Variants in DCDC2 observed in about 807,000 individuals in gnomAD.
DCDC2 encodes doublecortin domain containing 2.
DCDC2 carries 40 observed loss-of-function variants against 50.2 expected under a neutral mutation model. The ratio of observed to expected loss-of-function variants is 0.80; its 90% CI spans 0.62 to 1.04. DCDC2 has a LOEUF of 1.04. Ranked by LOEUF, DCDC2 falls within the 50% of genes least tolerant of loss-of-function variation. The pLI, the probability that DCDC2 is intolerant of heterozygous loss-of-function variation, is 0.00. For missense variants in DCDC2, 570 were observed against 581.9 expected, an observed-to-expected ratio of 0.98 and a Z score of 0.21; for synonymous variants, 234 against 210.6, an observed-to-expected ratio of 1.11 and a Z score of -0.96.
At chr6:24,197,023 A>G (rs149205843) in intron 8 of DCDC2, among the ~76,000 whole-genome samples, 1 of 152,218 alleles carries the variant, frequency 6.6e-6, no homozygotes, top group South Asian at 2.1e-4. Context: ...TCGAACAAAT[A>G]AACTAGGCAA....
chr6:24,202,243 G>A (rs1242527132), intron 8 of DCDC2, among the ~76,000 whole-genome samples: 1 of 152,066 alleles, frequency 6.6e-6, no homozygotes, highest in East Asian at 1.9e-4. Flanking sequence ...ATAAAATACT[G>A]GCAAACCGAA....
upstream of DCDC2, among the ~76,000 whole-genome samples, chr6:24,359,223 T>TTTATATATTATATATAA (rs1561789266): frequency 3.2e-5 from 2 of 63,216 alleles, no homozygotes; most frequent in African/African-American, 1.6e-4. Flanking sequence ...ATTATATATT[T>TTTATATATTATATATAA]TATATATTTT....
chr6:24,210,798 CT>C (rs1761850721), intron 7 of DCDC2, among the ~76,000 whole-genome samples: 1 of 152,212 alleles, frequency 6.6e-6, no homozygotes, highest in African/African-American at 2.4e-5. Context: ...ATCCAAGTTC[CT>C]TACTATGGCT....
intron 8 of DCDC2, among the ~76,000 whole-genome samples, chr6:24,196,870 G>A (rs1409581289): frequency 6.6e-6 from 1 of 152,136 alleles, no homozygotes. Context: ...TTGCAGAGTT[G>A]GTCTTACTAT....
intron 2 of DCDC2, among the ~76,000 whole-genome samples, chr6:24,327,722 G>A (rs991765055): frequency 2.6e-5 from 4 of 151,946 alleles, no homozygotes; most frequent in South Asian, 2.1e-4. Context: ...GATCCAACTC[G>A]CCTCAGCCTC....
chr6:24,259,996 T>C (rs935943686), intron 7 of DCDC2, among the ~76,000 whole-genome samples: 1 of 152,208 alleles, frequency 6.6e-6, no homozygotes, highest in Non-Finnish European at 1.5e-5. Flanking sequence ...AGAGGCTAAC[T>C]GGTGTTAAAG....
At chr6:24,230,844 C>T (rs1036081236) in intron 7 of DCDC2, among the ~76,000 whole-genome samples, 23 of 152,202 alleles carry the variant, frequency 1.5e-4, no homozygotes, top group African/African-American at 5.5e-4. Context: ...TGCAAAAGTA[C>T]TAGCTCCTTA....
chr6:24,355,481 T>C (rs1476956549), intron 1 of DCDC2, among the ~76,000 whole-genome samples: 1 of 152,200 alleles, frequency 6.6e-6, no homozygotes, highest in African/African-American at 2.4e-5. Context: ...ATGTAACACT[T>C]TGGTGTTTAC....
chr6:24,337,959 C>T (rs1395848486), intron 2 of DCDC2, among the ~76,000 whole-genome samples: 1 of 152,134 alleles, frequency 6.6e-6, no homozygotes, highest in Non-Finnish European at 1.5e-5. Context: ...CACAAACATC[C>T]TTTCAAGTGC....
intron 7 of DCDC2, among the ~76,000 whole-genome samples, chr6:24,223,964 C>T (rs1176313703): frequency 6.6e-6 from 1 of 152,222 alleles, no homozygotes; most frequent in African/African-American, 2.4e-5. Flanking sequence ...TTCTAATGAC[C>T]TTGACCTCAT....
Position 24,278,110 on chromosome 6 carries a change from T to G in DCDC2, c.861A>C (p.Lys287Asn). The change falls in exon 7 of 10, where the codon AAA (lysine) becomes AAC (asparagine). Residue 287 changes from lysine (K) to asparagine (N), a missense_variant. By Grantham distance (94) the Lys-to-Asn change is moderately conservative (BLOSUM62 0). Transcript: ENST00000378454. Reference protein sequence around the residue: ...KGKKEDVNSEKLTKLKQNVKL... With the variant: ...KGKKEDVNSENLTKLKQNVKL... ...TTACATTTTGTTTCAATTTCGTCAGTTTTTCTGAATTCACGTCTTCTTTTT... is the reference window on the plus strand; with the variant it reads ...TTACATTTTGTTTCAATTTCGTCAGGTTTTCTGAATTCACGTCTTCTTTTT... The G allele has an allele frequency of 1.2e-6, 2 of 1,613,926 alleles. No individual in the cohort carries two copies. The highest frequency in any genetic ancestry group is 1.7e-6 in the Non-Finnish European group (2 of 1,179,870).
chr6:24,198,541 C>G (rs926636760), intron 8 of DCDC2, among the ~76,000 whole-genome samples: 1 of 152,164 alleles, frequency 6.6e-6, no homozygotes, highest in Non-Finnish European at 1.5e-5. Flanking sequence ...GTGCCTACAC[C>G]ACCAAGGCCC....
At chr6:24,306,527 TAGATAGATAGATAGATAGAC>T (rs1561768211) in intron 2 of DCDC2, among the ~76,000 whole-genome samples, 1 of 141,694 alleles carries the variant, frequency 7.1e-6, no homozygotes, top group African/African-American at 2.7e-5. Flanking sequence ...GATAGATAGA[TAGATAGATAGATAGATAGAC>T]AGACAGACAG....
intron 7 of DCDC2, chr6:24,205,389 A>G: frequency 2.1e-6 from 3 of 1,409,538 alleles, no homozygotes; most frequent in Non-Finnish European, 1.9e-6. Context: ...AGCCCTTTGT[A>G]CAGGCATTGA....
intron 2 of DCDC2, among the ~76,000 whole-genome samples, chr6:24,327,741 C>T (rs916634639): frequency 4.9e-4 from 75 of 152,086 alleles, no homozygotes; most frequent in Non-Finnish European, 9.8e-4. Context: ...TCCCAAAGTG[C>T]TGGGATTACA....
chr6:24,327,649 T>C (rs1759898282), intron 2 of DCDC2, among the ~76,000 whole-genome samples: 1 of 151,914 alleles, frequency 6.6e-6, no homozygotes, highest in Non-Finnish European at 1.5e-5. Flanking sequence ...AATTTTTGTA[T>C]TTTCAGTAGA....
At chr6:24,238,135 A>AG (rs1171833208) in intron 7 of DCDC2, among the ~76,000 whole-genome samples, 62 of 4,768 alleles carry the variant, frequency 0.013, 12 homozygotes, top group East Asian at 0.026. Context: ...GGAGGAAAGG[A>AG]GGAAGGGATG....
At chr6:24,215,777 C>T (rs370265466) in intron 7 of DCDC2, among the ~76,000 whole-genome samples, 5 of 152,146 alleles carry the variant, frequency 3.3e-5, no homozygotes, top group Non-Finnish European at 4.4e-5. Flanking sequence ...GCTGAGGGGG[C>T]GGCACTGCTT....
In DCDC2 at chr6:24,224,456, C is replaced by T. The variant is rs13362739; in HGVS notation, c.923-19354G>A. Among the ~76,000 whole-genome samples, 1,345 of 152,304 alleles carry T rather than the reference C, an allele frequency of 8.8e-3. 16 individuals are homozygous for T. The highest frequency in any genetic ancestry group is 0.03 in the African/African-American group (1,233 of 41,566). On this transcript the variant is annotated intron_variant, in intron 7 of 9. Coordinates refer to ENST00000378454, the MANE Select transcript of DCDC2 (RefSeq NM_016356.5). ...GCTGTTAAACACCTAAGATGAAGAG[C>T]TTACTAATATGATCTGCTCAGTGCT...
Sources: allele counts gnomAD v4.1 joint callset (sites outside exome capture counted in the v4.1 genomes callset), GRCh38; gene constraint gnomAD v4.1.1; transcripts MANE v1.5; gene names NCBI Gene and HGNC (gene_info 2026-07-23, HGNC 2026-07-21).